LPCAT2: variants seen among roughly 807,000 people sequenced by gnomAD.
LPCAT2 encodes the protein 1-AGP acyltransferase 11.
A neutral mutation model predicts 64.7 loss-of-function variants in LPCAT2; 58 were observed. The observed-to-expected ratio is 0.90, with a 90% confidence interval of 0.73 to 1.12. The LOEUF is 1.12. LPCAT2 is among the 50% of genes most tolerant of loss of function. The pLI is 0.00. For synonymous variants in LPCAT2, 252 were observed against 245.3 expected (o/e 1.03, Z -0.26); for missense variants, 579 against 669.8 (o/e 0.86, Z 1.50).
chr16:55,537,951 G>A (rs184273122), intron 8 of LPCAT2, among the ~76,000 whole-genome samples: 23 of 152,316 alleles, frequency 1.5e-4, no homozygotes, highest in Non-Finnish European at 3.4e-4. Flanking sequence ...GACCATAGCT[G>A]ATAGAGCCCC....
chr16:55,516,294 G>T (rs1487037431), intron 1 of LPCAT2, among the ~76,000 whole-genome samples: 2 of 151,960 alleles, frequency 1.3e-5, no homozygotes, highest in Non-Finnish European at 2.9e-5. Context: ...TTATAGAGAT[G>T]GGATCTCCCT....
At position 55,585,339 on chromosome 16, in the gene LPCAT2, A is replaced by T. The variant is rs1222051491; in HGVS notation, c.*2241A>T. 6.6e-6 allele frequency: 1 copy of T among 152,198 alleles called. No homozygotes were observed. Among genetic ancestry groups the T allele is most frequent in the Non-Finnish European group, 1.5e-5 (1 of 68,020 alleles). The allele number at this position is 152,198 out of a possible 1,614,324, so 9.4% of individuals were successfully genotyped here. On this transcript the variant is annotated 3_prime_UTR_variant, in exon 14 of 14. Coordinates refer to ENST00000262134, the MANE Select transcript of LPCAT2 (RefSeq NM_017839.5). Reference sequence around the variant, plus strand: ...CTCTAATGAAACTCAAATTTTGCCCAAAGTAGCAATATTCTTAAAGATGTT... The same window carrying T: ...CTCTAATGAAACTCAAATTTTGCCCTAAGTAGCAATATTCTTAAAGATGTT...
rs1963923970 is a variant in LPCAT2 at position 55,584,592 on chromosome 16, A to AAG, written c.*1494_*1495insAG. ...TCATTTTCTGAATTCAGTCTTTGAA[A>AAG]TAAAACTCCTTGTTTTGGCCGTGTT... On this transcript the variant is annotated 3_prime_UTR_variant, in exon 14 of 14. Coordinates refer to ENST00000262134, the MANE Select transcript of LPCAT2 (RefSeq NM_017839.5). 1 of 152,220 alleles carries AAG rather than the reference A, an allele frequency of 6.6e-6. No homozygotes were observed. The highest frequency in any genetic ancestry group is 1.5e-5 in the Non-Finnish European group (1 of 68,028). The allele number at this position is 152,220 out of a possible 1,614,324, so 9.4% of individuals were successfully genotyped here. A position where few individuals can be genotyped will look rare whatever the true frequency, so the allele number is the denominator to read the frequency against.
At chr16:55,547,311 G>A (rs1963465221) in intron 9 of LPCAT2, among the ~76,000 whole-genome samples, 2 of 152,274 alleles carry the variant, frequency 1.3e-5, no homozygotes, top group African/African-American at 4.8e-5. Flanking sequence ...ACCTTGATTA[G>A]CTGCACAACT....
intron 10 of LPCAT2, 108 bp from the exon 11 acceptor site, chr16:55,550,841 A>C: frequency 1.1e-6 from 1 of 895,330 alleles, no homozygotes. Context: ...CAAATTTAAC[A>C]CTTAAAATAT....
rs1321486119 is a variant in LPCAT2 at position 55,583,065 on chromosome 16, T to C, written c.1602T>C (p.His534=). The C allele has an allele frequency of 1.2e-6, 2 of 1,613,682 alleles. No homozygotes were observed. Among genetic ancestry groups the C allele is most frequent in the Non-Finnish European group, 1.7e-6 (2 of 1,179,768 alleles). Residue 534 remains histidine (H), a synonymous_variant, in exon 14 of 14, where the codon CAT becomes CAC. Transcript: ENST00000262134. ...TASNKVSPEK[H]EESTSDKKDD ...GTAATAAAGTCAGCCCTGAAAAGCA[T>C]GAAGAGAGTACCTCAGACAAAAAAG... is the stretch of plus-strand genomic sequence containing the variant.
At chr16:55,530,154 C>T (rs1839456937) in intron 4 of LPCAT2, among the ~76,000 whole-genome samples, 1 of 151,992 alleles carries the variant, frequency 6.6e-6, no homozygotes, top group Non-Finnish European at 1.5e-5. Flanking sequence ...ATGTATTATT[C>T]TTTTTTATTC....
intron 1 of LPCAT2, among the ~76,000 whole-genome samples, chr16:55,522,476 T>C (rs1282592486): frequency 1.3e-5 from 2 of 151,662 alleles, no homozygotes; most frequent in African/African-American, 4.8e-5. Flanking sequence ...GTGTAGAAAC[T>C]GACAATTCTA....
intron 11 of LPCAT2, among the ~76,000 whole-genome samples, chr16:55,565,256 G>A (rs950828154): frequency 6.6e-6 from 1 of 152,018 alleles, no homozygotes; most frequent in Non-Finnish European, 1.5e-5. Context: ...TGTATTGCTG[G>A]TGGGGATGTA....
chr16:55,563,490 C>T (rs1587631), intron 11 of LPCAT2, among the ~76,000 whole-genome samples: 18,577 of 151,738 alleles, frequency 0.12, 1,268 homozygotes, highest in African/African-American at 0.18. Flanking sequence ...CAACAGCACA[C>T]TAAAAGTATT....
At chr16:55,530,472 C>T (rs1377792447) in intron 4 of LPCAT2, among the ~76,000 whole-genome samples, 2 of 137,558 alleles carry the variant, frequency 1.5e-5, no homozygotes, top group African/African-American at 2.7e-5. Flanking sequence ...CTCACCACTC[C>T]CTTCCCTGGA....
At chr16:55,549,931 A>G (rs1327640255) in intron 10 of LPCAT2, among the ~76,000 whole-genome samples, 2 of 152,092 alleles carry the variant, frequency 1.3e-5, no homozygotes, top group Non-Finnish European at 2.9e-5. Flanking sequence ...ATTCTTGTTG[A>G]GCTTTTCGCT....
At chr16:55,567,451 G>C in intron 11 of LPCAT2, 1 of 1,613,800 alleles carries the variant, frequency 6.2e-7, no homozygotes. Context: ...GATAGAGATG[G>C]CCTGATTCAA....
chr16:55,546,520 T>C (rs1963455384), intron 9 of LPCAT2, among the ~76,000 whole-genome samples: 5 of 152,216 alleles, frequency 3.3e-5, no homozygotes, highest in Admixed American at 3.3e-4. Flanking sequence ...AAAAATTCAA[T>C]GAGAACTCTG....
intron 2 of LPCAT2, among the ~76,000 whole-genome samples, chr16:55,526,626 G>A (rs1209143742): frequency 3.3e-5 from 5 of 152,108 alleles, no homozygotes; most frequent in African/African-American, 9.7e-5. Flanking sequence ...CTCAGTTCTT[G>A]CAAATCATAC....
intron 11 of LPCAT2, among the ~76,000 whole-genome samples, chr16:55,569,483 A>C (rs1178419554): frequency 6.6e-6 from 1 of 152,240 alleles, no homozygotes; most frequent in East Asian, 1.9e-4. Flanking sequence ...TTAAATTCTC[A>C]GAATATTAGG....
At chr16:55,541,947 G>C in intron 8 of LPCAT2, 3 of 1,257,776 alleles carry the variant, frequency 2.4e-6, no homozygotes, top group Non-Finnish European at 3.1e-6. Context: ...CAAAGAACTA[G>C]AACTGCACAT....
intron 11 of LPCAT2, among the ~76,000 whole-genome samples, chr16:55,566,236 T>C (rs139558427): frequency 6.6e-6 from 1 of 152,300 alleles, no homozygotes; most frequent in East Asian, 1.9e-4. Context: ...CCTTCTAAAT[T>C]TTTCTTAAGA....
intron 4 of LPCAT2, among the ~76,000 whole-genome samples, chr16:55,531,053 T>C (rs1596858385): frequency 1.3e-5 from 2 of 152,158 alleles, no homozygotes; most frequent in African/African-American, 4.8e-5. Context: ...ATAAAATATA[T>C]TTGATATTGT....
Sources: allele counts gnomAD v4.1 joint callset (sites outside exome capture counted in the v4.1 genomes callset), GRCh38; gene constraint gnomAD v4.1.1; transcripts MANE v1.5; gene names NCBI Gene and HGNC (gene_info 2026-07-23, HGNC 2026-07-21).